The following FBN1 variants were observed in gnomAD, a reference collection of about 807,000 sequenced individuals.
FBN1 encodes the protein fibrillin-1.
A neutral mutation model predicts 365.1 loss-of-function variants in FBN1; 29 were observed. The ratio of observed to expected loss-of-function variants is 0.08; its 90% CI spans 0.06 to 0.11. FBN1 has a LOEUF of 0.11. Among genes scored for constraint, FBN1 ranks in the 10% least tolerant of loss-of-function variants. The probability of loss-of-function intolerance (pLI) is 1.00; values close to 1 mark genes in which losing one functional copy is unlikely to be tolerated. For synonymous variants in FBN1, 1,210 were observed against 1,270.5 expected (o/e 0.95, Z 1.01); for missense variants, 2,476 against 3,703.2 (o/e 0.67, Z 8.60).
chr15:48,572,411 G>A lies in FBN1; in HGVS notation c.538+23872C>T, dbSNP rs572040702. ...AAAGGCCAACCAAGTTTTCAATAAA[G>A]GGGAGAATTAAAATTAGATTTTCCA... On this transcript the variant is annotated intron_variant, in intron 6 of 65. Coordinates refer to ENST00000316623, the MANE Select transcript of FBN1 (RefSeq NM_000138.5). Among the ~76,000 whole-genome samples the A allele has an allele frequency of 2.0e-5, 3 of 152,040 alleles. No individual in the cohort carries two copies. The East Asian group carries it at 5.8e-4, about 29-fold the overall frequency.
chr15:48,579,474 G>C (rs1367380078), intron 6 of FBN1, among the ~76,000 whole-genome samples: 5 of 152,028 alleles, frequency 3.3e-5, no homozygotes, highest in Admixed American at 6.6e-5. Flanking sequence ...CAAAAAAGCA[G>C]GGAAGGAAGA....
intron 63 of FBN1, among the ~76,000 whole-genome samples, chr15:48,417,637 T>C (rs539383620): frequency 6.6e-6 from 1 of 152,264 alleles, no homozygotes; most frequent in Admixed American, 6.5e-5. Flanking sequence ...AAAATATAAA[T>C]AATAATTTTA....
At chr15:48,460,151 T>C (rs1397549560) in intron 43 of FBN1, 95 bp downstream of exon 43, 5 of 845,918 alleles carry the variant, frequency 5.9e-6, no homozygotes, top group African/African-American at 1.7e-5. Context: ...TTGTTTAATA[T>C]TTTTTTTCCT....
intron 43 of FBN1, among the ~76,000 whole-genome samples, chr15:48,457,786 G>A (rs956871257): frequency 2.6e-5 from 4 of 152,002 alleles, no homozygotes; most frequent in East Asian, 1.9e-4. Context: ...AGATGGTCTC[G>A]GTACTATGAC....
rs770762570 is a variant in FBN1, at chr15:48,433,005, T to C, written c.6617-17A>G. 9.9e-6 allele frequency: 16 copies of C among 1,612,286 alleles called. 1 individual carries two copies. The highest frequency in any genetic ancestry group is 8.5e-7 in the Non-Finnish European group (1 of 1,179,202). ...CATTTATATCTGCAGCAGAGGAGAG[T>C]AAGTAAATAAGGGATCATGGACAGC... On this transcript the variant is annotated splice_polypyrimidine_tract_variant and intron_variant, in intron 54 of 65. Transcript: ENST00000316623.
At chr15:48,539,760 C>A (rs1597594938) in intron 6 of FBN1, among the ~76,000 whole-genome samples, 1 of 152,102 alleles carries the variant, frequency 6.6e-6, no homozygotes, top group Admixed American at 6.5e-5. Context: ...ACCTTTCCAG[C>A]CCTGTCTCCT....
At chr15:48,425,296 G>T in intron 60 of FBN1, 73 bp downstream of exon 60, 1 of 1,598,828 alleles carries the variant, frequency 6.3e-7, no homozygotes, top group Non-Finnish European at 8.6e-7. Flanking sequence ...CTTGCCTGTG[G>T]AGTTCTTACA....
At chr15:48,504,888 T>C in intron 16 of FBN1, 137 bp downstream of exon 16, 1 of 1,129,296 alleles carries the variant, frequency 8.9e-7, no homozygotes. Flanking sequence ...AAAAGAGAAC[T>C]GACCCTGTTG....
rs2141235267 is a variant in FBN1, at chr15:48,432,983, T to G, written c.6622A>C (p.Asn2208His). The G allele has an allele frequency of 6.2e-7, 1 of 1,613,416 alleles. No homozygotes were observed. The highest frequency in any genetic ancestry group is 2.2e-5 in the East Asian group (1 of 44,878). ...AGCAGAGGATTCTGGGCACATTCATTTATATCTGCAGCAGAGGAGAGTAAG... is the reference window on the plus strand; with the variant it reads ...AGCAGAGGATTCTGGGCACATTCATGTATATCTGCAGCAGAGGAGAGTAAG... ...PGPMMTCEDINECAQNPLLCA... is the reference protein window; with the variant it reads ...PGPMMTCEDIHECAQNPLLCA... The change falls in exon 55 of 66, where the codon AAT becomes CAT. Residue 2208 changes from asparagine to histidine, a missense_variant. By Grantham distance (68) the Asn-to-His change is moderately conservative. Around this residue, in one of 5 missense-constraint regions of FBN1, gnomAD observed 1,780 missense variants for 2,840.8 expected, o/e 0.63. Transcript: ENST00000316623.
At chr15:48,595,130 T>C (rs1419467784) in intron 6 of FBN1, among the ~76,000 whole-genome samples, 1 of 152,192 alleles carries the variant, frequency 6.6e-6, no homozygotes, top group Non-Finnish European at 1.5e-5. Context: ...GTAATCAAAG[T>C]AATCGACCTG....
chr15:48,565,475 ACAAT>A (rs1227366991), intron 6 of FBN1, among the ~76,000 whole-genome samples: 1 of 152,110 alleles, frequency 6.6e-6, no homozygotes, highest in East Asian at 1.9e-4. Flanking sequence ...AACACATAAC[ACAAT>A]CATGTGTTAG....
At chr15:48,634,327 C>A (rs1458310088) in intron 2 of FBN1, among the ~76,000 whole-genome samples, 1 of 152,210 alleles carries the variant, frequency 6.6e-6, no homozygotes, top group African/African-American at 2.4e-5. Flanking sequence ...TCTTTTCTGG[C>A]ATCCAAGTGT....
chr15:48,443,214 T>C (rs951222847), intron 49 of FBN1, among the ~76,000 whole-genome samples: 2 of 152,222 alleles, frequency 1.3e-5, no homozygotes, highest in African/African-American at 2.4e-5. Context: ...GCCGATTGAA[T>C]TACTCCATTC....
chr15:48,499,057 T>C lies in FBN1; in HGVS notation c.2114-19A>G, dbSNP rs778854439. On this transcript the variant is annotated intron_variant, in intron 17 of 65. Transcript: ENST00000316623. ...TATTCCGCTGCAATAAATTAACAGA[T>C]AGTAAATGATTCCCTTGTTTGCAGA... is the stretch of plus-strand genomic sequence containing the variant. The C allele has an allele frequency of 2.5e-6, 4 of 1,613,290 alleles. 1 individual carries two copies. Among genetic ancestry groups the C allele is most frequent in the South Asian group, 2.2e-5 (2 of 91,082 alleles).
intron 6 of FBN1, among the ~76,000 whole-genome samples, chr15:48,581,969 G>A (rs1273370967): frequency 6.6e-6 from 1 of 152,138 alleles, no homozygotes; most frequent in African/African-American, 2.4e-5. Context: ...TTGCCCCAAG[G>A]ACTGACTAAG....
intron 24 of FBN1, among the ~76,000 whole-genome samples, chr15:48,492,123 A>G (rs529489937): frequency 6.6e-6 from 1 of 152,354 alleles, no homozygotes; most frequent in South Asian, 2.1e-4. Flanking sequence ...TGCTTAGAAG[A>G]CATGGGCTAC....
At chr15:48,645,111 G>GC (rs1363622382) in intron 1 of FBN1, among the ~76,000 whole-genome samples, 161 bp from the exon 2 acceptor site, 5 of 152,370 alleles carry the variant, frequency 3.3e-5, no homozygotes. Flanking sequence ...TGGCTGGAAA[G>GC]CCCAGGCCCC....
At chr15:48,446,496 G>A (rs989620490) in intron 47 of FBN1, among the ~76,000 whole-genome samples, 3 of 152,116 alleles carry the variant, frequency 2.0e-5, no homozygotes, top group Admixed American at 2.0e-4. Context: ...TCTGCTGGGG[G>A]TCTCAGAATG....
intron 45 of FBN1, among the ~76,000 whole-genome samples, chr15:48,450,611 G>C (rs147643548): frequency 0.026 from 3,890 of 152,212 alleles, 80 homozygotes; most frequent in East Asian, 0.083. Flanking sequence ...TGTCTTTTGT[G>C]GGGCAAGACA....
Sources: gnomAD v4.1 joint callset for allele counts (sites outside exome capture counted in the v4.1 genomes callset) on GRCh38, gnomAD v4.1.1 for gene constraint, gnomAD v4.1.1 regional missense constraint, MANE v1.5 for transcripts, NCBI Gene and HGNC (gene_info 2026-07-23, HGNC 2026-07-21) for gene names.